The following SLC24A2 variants were observed in gnomAD, a reference collection of about 807,000 sequenced individuals.
SLC24A2 encodes the protein solute carrier family 24 member 2, also known as sodium/potassium/calcium exchanger 2.
A neutral mutation model predicts 62.0 loss-of-function variants in SLC24A2; 36 were observed. That is an observed-to-expected ratio of 0.58 (90% CI 0.44 to 0.77). The LOEUF (loss-of-function observed/expected upper bound fraction) is 0.77. Among genes scored for constraint, SLC24A2 ranks in the 30% least tolerant of loss-of-function variants. The pLI is 0.00. For synonymous variants in SLC24A2, 358 were observed against 294.0 expected (o/e 1.22, Z -2.23); for missense variants, 846 against 817.9 (o/e 1.03, Z -0.42).
intron 4 of SLC24A2, among the ~76,000 whole-genome samples, chr9:19,609,753 T>A (rs903551023): frequency 6.6e-6 from 1 of 152,166 alleles, no homozygotes; most frequent in African/African-American, 2.4e-5. Flanking sequence ...GGGATTGGCT[T>A]TTGTGGAAGA....
chr9:20,264,787 A>G, the SLC24A2 span, among the ~76,000 whole-genome samples: 13 of 152,340 alleles, frequency 8.5e-5, no homozygotes, highest in East Asian at 2.3e-3. Context: ...GGCCTAAAGG[A>G]GTTAGGCAAG....
intron 5 of SLC24A2, among the ~76,000 whole-genome samples, chr9:19,585,495 A>G (rs1836347323): frequency 6.6e-6 from 1 of 152,194 alleles, no homozygotes; most frequent in Non-Finnish European, 1.5e-5. Context: ...GACTCCTTTT[A>G]TTGGAAAATG....
At chr9:20,115,851 A>G in the SLC24A2 span, among the ~76,000 whole-genome samples, 3 of 152,184 alleles carry the variant, frequency 2.0e-5, no homozygotes, top group African/African-American at 7.2e-5. Context: ...GATGGTTTCA[A>G]TTTGAGACAA....
chr9:20,022,572 C>T, the SLC24A2 span, among the ~76,000 whole-genome samples: 29 of 152,302 alleles, frequency 1.9e-4, no homozygotes, highest in Non-Finnish European at 2.6e-4. Flanking sequence ...AGTGTTGTCC[C>T]TCGTCCACGT....
intron 2 of SLC24A2, among the ~76,000 whole-genome samples, chr9:19,642,054 G>T (rs1454462887): frequency 6.6e-6 from 1 of 152,054 alleles, no homozygotes; most frequent in Non-Finnish European, 1.5e-5. Flanking sequence ...TGGGAGGGAG[G>T]GGAAGTGTGT....
intron 4 of SLC24A2, among the ~76,000 whole-genome samples, chr9:19,603,533 T>C (rs528068607): frequency 2.6e-5 from 4 of 151,072 alleles, no homozygotes; most frequent in Non-Finnish European, 4.4e-5. Flanking sequence ...ATGCTGATGC[T>C]TCTGTAAGCC....
At chr9:20,026,483 G>A in the SLC24A2 span, among the ~76,000 whole-genome samples, 2 of 152,110 alleles carry the variant, frequency 1.3e-5, no homozygotes, top group African/African-American at 4.8e-5. Flanking sequence ...CTTTAAGAGA[G>A]GAAATAAATG....
At chr9:20,099,761 A>T in the SLC24A2 span, among the ~76,000 whole-genome samples, 2 of 152,174 alleles carry the variant, frequency 1.3e-5, no homozygotes, top group African/African-American at 2.4e-5. Flanking sequence ...CCTCAATTCT[A>T]TAACTTGTTC....
chr9:20,145,303 G>C, the SLC24A2 span, among the ~76,000 whole-genome samples: 2 of 152,036 alleles, frequency 1.3e-5, no homozygotes, highest in African/African-American at 4.8e-5. Context: ...GTCTGCAAAA[G>C]TAAGGGTTAT....
chr9:20,280,950 CA>C, the SLC24A2 span, among the ~76,000 whole-genome samples: 1 of 152,152 alleles, frequency 6.6e-6, no homozygotes, highest in Non-Finnish European at 1.5e-5. Flanking sequence ...TCTGGAGGAA[CA>C]AATGGTCTCT....
the SLC24A2 span, among the ~76,000 whole-genome samples, chr9:20,164,365 A>C: frequency 7.2e-5 from 11 of 152,244 alleles, no homozygotes; most frequent in South Asian, 1.5e-3. Flanking sequence ...TTATGCAGCG[A>C]AAAAAACACA....
the SLC24A2 span, among the ~76,000 whole-genome samples, chr9:20,285,301 A>T: frequency 2.6e-5 from 4 of 152,214 alleles, no homozygotes; most frequent in African/African-American, 7.2e-5. Flanking sequence ...ATATGTAGAA[A>T]GAGGTTTATT....
chr9:20,074,544 A>G, the SLC24A2 span, among the ~76,000 whole-genome samples: 1 of 145,974 alleles, frequency 6.9e-6, no homozygotes, highest in Non-Finnish European at 1.5e-5. Flanking sequence ...AATAATAGGA[A>G]GAGAAGAAGG....
intron 2 of SLC24A2, among the ~76,000 whole-genome samples, chr9:19,651,924 G>C (rs909805397): frequency 6.6e-6 from 1 of 152,060 alleles, no homozygotes; most frequent in Admixed American, 6.6e-5. Flanking sequence ...TCGACCACAC[G>C]GGTTTCCTCC....
At chr9:19,520,837 G>C in intron 10 of SLC24A2, 57 bp downstream of exon 10, 1 of 1,543,848 alleles carries the variant, frequency 6.5e-7, no homozygotes, top group Non-Finnish European at 9.0e-7. Context: ...CAGCTTCTAA[G>C]AAGACAAAGA....
At chr9:20,083,317 C>G in the SLC24A2 span, among the ~76,000 whole-genome samples, 133 of 152,306 alleles carry the variant, frequency 8.7e-4, no homozygotes, top group Non-Finnish European at 1.5e-3. Context: ...AGCAGTTGCG[C>G]TGCACCTTAC....
chr9:19,526,349 C>A (rs1182134484), intron 9 of SLC24A2, among the ~76,000 whole-genome samples: 1 of 152,168 alleles, frequency 6.6e-6, no homozygotes, highest in Non-Finnish European at 1.5e-5. Context: ...GTTTTCATTT[C>A]TCTTAAGCCT....
chr9:20,163,197 G>C, the SLC24A2 span, among the ~76,000 whole-genome samples: 3 of 152,046 alleles, frequency 2.0e-5, no homozygotes, highest in African/African-American at 7.2e-5. Flanking sequence ...AATTGTCCCT[G>C]TTTGCAGATG....
At chr9:20,244,352 A>G in the SLC24A2 span, among the ~76,000 whole-genome samples, 1 of 152,202 alleles carries the variant, frequency 6.6e-6, no homozygotes, top group African/African-American at 2.4e-5. Flanking sequence ...AAGAGCAGGA[A>G]GGAGGGAACA....
Sources: allele counts gnomAD v4.1 joint callset (sites outside exome capture counted in the v4.1 genomes callset), GRCh38; gene constraint gnomAD v4.1.1; transcripts MANE v1.5; gene names NCBI Gene and HGNC (gene_info 2026-07-23, HGNC 2026-07-21).